SLCO4A1: variants seen among roughly 807,000 people sequenced by gnomAD.
SLCO4A1 encodes the protein solute carrier organic anion transporter family member 4A1.
In SLCO4A1, 51 loss-of-function variants were observed where a neutral mutation model predicts 64.6. The observed-to-expected ratio is 0.79, with a 90% CI of 0.63 to 1.00. The LOEUF (loss-of-function observed/expected upper bound fraction) is 1.00, where lower values mean the gene tolerates loss of function less well. SLCO4A1 is among the 50% of genes least tolerant of loss of function. The pLI is 0.00. For missense variants in SLCO4A1, 919 were observed against 980.5 expected (o/e 0.94, Z 0.84); for synonymous variants, 471 against 444.9 (o/e 1.06, Z -0.74).
intron 7 of SLCO4A1, 79 bp downstream of exon 7, chr20:62,666,654 A>C: frequency 8.0e-7 from 1 of 1,243,538 alleles, no homozygotes; most frequent in Non-Finnish European, 1.1e-6. Flanking sequence ...GGAGTGGTGC[A>C]GCACTTGGGA....
At chr20:62,667,936 C>T (rs1418665787) in intron 8 of SLCO4A1, 26 bp downstream of exon 8, 3 of 1,614,004 alleles carry the variant, frequency 1.9e-6, no homozygotes, top group South Asian at 1.1e-5. Context: ...GCCTACCGCC[C>T]CTGTCCTCCC....
At chr20:62,643,000 G>C (rs1442651029) in intron 1 of SLCO4A1, 3 of 470,184 alleles carry the variant, frequency 6.4e-6, no homozygotes, top group Non-Finnish European at 1.3e-5. Flanking sequence ...CTCCAGAGTT[G>C]CGGAGTCACC....
chr20:62,675,169 G>C (rs932933295), downstream of SLCO4A1, among the ~76,000 whole-genome samples: 1 of 152,188 alleles, frequency 6.6e-6, no homozygotes, highest in African/African-American at 2.4e-5. Flanking sequence ...CTCCCGCCCA[G>C]GATGGAGGGC....
downstream of SLCO4A1, among the ~76,000 whole-genome samples, chr20:62,674,305 C>T (rs539392561): frequency 6.6e-6 from 1 of 152,272 alleles, no homozygotes; most frequent in African/African-American, 2.4e-5. Context: ...TCCATGGGGC[C>T]CTCGGGGAGA....
Position 62,656,475 on chromosome 20 carries a change from G to A in SLCO4A1, c.21G>A (p.Gly7=). 3 of 1,504,932 alleles carry A rather than the reference G, an allele frequency of 2.0e-6. No homozygotes were observed. The highest frequency in any genetic ancestry group is 2.7e-6 in the Non-Finnish European group (3 of 1,126,868). The allele number at this position is 1,504,932 out of a possible 1,614,324, so 93.2% of individuals were successfully genotyped here. A position where few individuals can be genotyped will look rare whatever the true frequency, so the allele number is the denominator to read the frequency against. Residue 7 remains glycine (G), a synonymous_variant, in exon 2 of 12, where the codon GGG becomes GGA. Transcript: ENST00000217159. The part of the protein sequence containing the change: MPLHQL[G]DKPLTFPSPN... ...CGGAGATGCCCCTGCATCAGCTGGG[G>A]GACAAGCCGCTCACCTTCCCCAGCC...
In SLCO4A1 at chr20:62,656,965, C is replaced by T. The variant is rs769542474; in HGVS notation, c.511C>T (p.Arg171Cys). The T allele has an allele frequency of 2.9e-5, 46 of 1,564,696 alleles. No individual in the cohort carries two copies. The highest frequency in any genetic ancestry group is 7.1e-5 in the South Asian group (6 of 84,442). ...CTTCGGGGGCTCAGGGCACAAGCCG[C>T]GCTGGCTGGGCTGGGGCGTGCTGCT... The part of the protein sequence containing the change: ...SYFGGSGHKP[R>C]WLGWGVLLMG... Residue 171 changes from arginine to cysteine, a missense_variant, in exon 2 of 12, where the codon CGC (arginine) becomes TGC (cysteine). Transcript: ENST00000217159.
intron 11 of SLCO4A1, among the ~76,000 whole-genome samples, chr20:62,671,499 A>G (rs2147107803): frequency 6.6e-6 from 1 of 152,350 alleles, no homozygotes; most frequent in South Asian, 2.1e-4. Flanking sequence ...TGTTCAACCC[A>G]TGACAAGCCC....
At chr20:62,686,523 C>A (rs1370680285), downstream of SLCO4A1, among the ~76,000 whole-genome samples, 1 of 152,208 alleles carries the variant, frequency 6.6e-6, no homozygotes, top group Non-Finnish European at 1.5e-5. Flanking sequence ...AAAGAGCAGG[C>A]CCTCCTGCTG....
At chr20:62,674,454 A>C (rs951367586), downstream of SLCO4A1, among the ~76,000 whole-genome samples, 2 of 152,184 alleles carry the variant, frequency 1.3e-5, no homozygotes, top group Non-Finnish European at 2.9e-5. Context: ...CATCAGGGAA[A>C]GGGGGGAAGA....
intron 6 of SLCO4A1, 115 bp from the exon 7 acceptor site, chr20:62,666,265 T>C: frequency 1.2e-6 from 1 of 826,436 alleles, no homozygotes; most frequent in South Asian, 1.6e-5. Flanking sequence ...CAGGCAGGAA[T>C]TGATCCCTCT....
chr20:62,672,020 T>C lies in SLCO4A1; in HGVS notation c.*127T>C, dbSNP rs939221594. On this transcript the variant is annotated 3_prime_UTR_variant, in exon 12 of 12. Coordinates refer to ENST00000217159, the MANE Select transcript of SLCO4A1 (RefSeq NM_016354.4). ...TGCAACCTTCTACTTAACCTGTGGT[T>C]TAAAGTCGGCTGTGACCTCCTGTCC... 2.5e-6 allele frequency: 4 copies of C among 1,574,748 alleles called. No homozygotes were observed. Among genetic ancestry groups the C allele is most frequent in the Non-Finnish European group, 3.4e-6 (4 of 1,166,368 alleles).
chr20:62,666,359 T>C lies in SLCO4A1; in HGVS notation c.1277-21T>C, dbSNP rs180997912. 627 of 1,609,288 alleles carry C rather than the reference T, an allele frequency of 3.9e-4. 6 individuals are homozygous for C. The African/African-American group carries it at 7.8e-3, about 20-fold the overall frequency. On this transcript the variant is annotated intron_variant, in intron 6 of 11. Transcript: ENST00000217159. ...ACGGCCCCCTGCCTGAGTCCCTGGC[T>C]GAATCCCTCCCTCTCCCCAGGGTAC...
chr20:62,684,423 C>T lies in SLCO4A1; in HGVS notation n.212-1018C>T, dbSNP rs1488148402. Among the ~76,000 whole-genome samples, 7 of 152,326 alleles carry T rather than the reference C, an allele frequency of 4.6e-5. No individual in the cohort carries two copies. In the East Asian group the frequency reaches 1.3e-3, roughly 29 times the overall value. ...CAAGGAGCTGATTGGCCCGTGATGG[C>T]CTCAGAGCTCATCAGCCAACCCCCA... On this transcript the variant is annotated intron_variant and non_coding_transcript_variant, in intron 2 of 2. Transcript: ENST00000466818.
At chr20:62,682,042 G>A (rs1233902100) in intron 2 of SLCO4A1, among the ~76,000 whole-genome samples, 5 of 152,308 alleles carry the variant, frequency 3.3e-5, no homozygotes, top group East Asian at 1.9e-4. Context: ...GCCGGGCCCC[G>A]TAACTTCACT....
rs56076990 is a variant in SLCO4A1 at position 62,644,865 on chromosome 20, G to A, written c.-97+2312G>A. 0.047 allele frequency among the ~76,000 whole-genome samples: 7,093 copies of A among 152,282 alleles called. 218 individuals carry two copies. The highest frequency in any genetic ancestry group is 0.08 in the African/African-American group (3,337 of 41,548). On this transcript the variant is annotated intron_variant, in intron 1 of 11. Transcript: ENST00000217159. The surrounding 1 kb of genome is among the most constrained non-coding windows in gnomAD (Gnocchi z 5.4). ...AGAGATGAGCCACAGAAAAGCCAAC[G>A]TGCAGCCTGGTGCTGGGGGCAGGAG...
rs753469425 is a variant in SLCO4A1, at chr20:62,664,475, A to G, written c.1122-459A>G. ...GGACTTGGTGGCCTCTGCCTGCCCC[A>G]GCCAGTTCCCTTTTTCAGGCCCTGC... On this transcript the variant is annotated intron_variant, in intron 5 of 11. Transcript: ENST00000217159. Among the ~76,000 whole-genome samples the G allele has an allele frequency of 3.9e-5, 6 of 152,204 alleles. No homozygotes were observed. In the South Asian group the frequency reaches 6.2e-4, roughly 16 times the overall value.
chr20:62,685,357 G>A lies in SLCO4A1; in HGVS notation n.212-84G>A. On this transcript the variant is annotated intron_variant and non_coding_transcript_variant, in intron 2 of 2. Transcript: ENST00000466818. The surrounding 1 kb of genome is among the most constrained non-coding windows in gnomAD (Gnocchi z 4.6). ...CGGTGCCCAAGGGTGGGTTCGTGGG[G>A]CAACTGCACCCGCTCCCTTCCACTC... 1.3e-6 allele frequency: 1 copy of A among 743,956 alleles called. No homozygotes were observed. The allele number at this position is 743,956 out of a possible 1,614,324, so 46.1% of individuals were successfully genotyped here.
rs1981890983 is a variant in SLCO4A1 at position 62,648,799 on chromosome 20, T to C, written c.-97+6246T>C. On this transcript the variant is annotated intron_variant, in intron 1 of 11. Transcript: ENST00000217159. ...GAATTCACTCCAGGCTCCGGGCCTC[T>C]TGTCCCCACCGGCCAGGCGGTTCTG... Among the ~76,000 whole-genome samples the C allele has an allele frequency of 2.6e-5, 4 of 152,328 alleles. No individual in the cohort carries two copies. In the South Asian group the frequency reaches 8.3e-4, roughly 32 times the overall value.
At chr20:62,674,974 T>C (rs1435485170), downstream of SLCO4A1, among the ~76,000 whole-genome samples, 2 of 152,188 alleles carry the variant, frequency 1.3e-5, no homozygotes, top group African/African-American at 4.8e-5. Context: ...GGTTCTGTGA[T>C]GGCCGCCGAG....
Sources: allele counts gnomAD v4.1 joint callset (sites outside exome capture counted in the v4.1 genomes callset), GRCh38; gene constraint gnomAD v4.1.1; non-coding constraint Gnocchi (gnomAD v3.1); transcripts MANE v1.5; gene names NCBI Gene and HGNC (gene_info 2026-07-23, HGNC 2026-07-21).